DPYD: variants seen among roughly 807,000 people sequenced by gnomAD.
DPYD encodes dihydropyrimidine dehydrogenase.
Under a neutral mutation model 116.2 loss-of-function variants are expected in DPYD, and 109 were observed. That is an observed-to-expected ratio of 0.94 (90% confidence interval 0.80 to 1.10). The LOEUF is 1.10. Among genes scored for constraint, DPYD ranks in the 50% least tolerant of loss-of-function variants. The pLI, the probability that DPYD is intolerant of heterozygous loss-of-function variation, is 0.00. For synonymous variants in DPYD, 440 were observed against 432.0 expected, an observed-to-expected ratio of 1.02 and a Z score of -0.23; for missense variants, 1,302 against 1,254.5, an observed-to-expected ratio of 1.04 and a Z score of -0.57.
intron 18 of DPYD, among the ~76,000 whole-genome samples, chr1:97,304,291 C>G (rs1457577159): frequency 1.3e-5 from 2 of 151,972 alleles, no homozygotes; most frequent in Non-Finnish European, 2.9e-5. Flanking sequence ...ATTTAAGGCC[C>G]TGTTTGATAG....
intron 8 of DPYD, among the ~76,000 whole-genome samples, chr1:97,628,286 C>T (rs1423118339): frequency 6.6e-6 from 1 of 151,982 alleles, no homozygotes; most frequent in East Asian, 1.9e-4. Flanking sequence ...CATGTGTCCT[C>T]ATCATTCCTC....
At chr1:97,384,933 G>A (rs1395542609) in intron 14 of DPYD, among the ~76,000 whole-genome samples, 3 of 152,074 alleles carry the variant, frequency 2.0e-5, no homozygotes, top group Non-Finnish European at 4.4e-5. Context: ...AATTAAGCAT[G>A]CCAAATTATT....
intron 1 of DPYD, among the ~76,000 whole-genome samples, chr1:97,908,309 G>T (rs1242828129): frequency 6.6e-6 from 1 of 151,954 alleles, no homozygotes; most frequent in Non-Finnish European, 1.5e-5. Context: ...GCCTCCCAAA[G>T]TGCTGGGATT....
intron 19 of DPYD, among the ~76,000 whole-genome samples, chr1:97,219,434 A>C (rs571905752): frequency 6.6e-6 from 1 of 152,280 alleles, no homozygotes; most frequent in East Asian, 1.9e-4. Context: ...ATATTTAATA[A>C]TGTTTTCCCT....
chr1:97,759,756 T>C (rs1221493910), intron 3 of DPYD, among the ~76,000 whole-genome samples: 3 of 152,200 alleles, frequency 2.0e-5, no homozygotes, highest in African/African-American at 7.2e-5. Flanking sequence ...TTAATTCACT[T>C]AATAATTACA....
intron 12 of DPYD, among the ~76,000 whole-genome samples, chr1:97,519,724 A>C (rs1354183602): frequency 2.0e-5 from 3 of 152,196 alleles, no homozygotes; most frequent in African/African-American, 7.2e-5. Context: ...GTAAAGCCAC[A>C]ATAAAATATA....
At chr1:97,360,655 C>A (rs1670673117) in intron 16 of DPYD, among the ~76,000 whole-genome samples, 1 of 152,172 alleles carries the variant, frequency 6.6e-6, no homozygotes, top group African/African-American at 2.4e-5. Flanking sequence ...GAAACTCATT[C>A]AAAATTGCAC....
At chr1:97,114,896 C>G (rs2101631172) in intron 20 of DPYD, among the ~76,000 whole-genome samples, 1 of 152,232 alleles carries the variant, frequency 6.6e-6, no homozygotes, top group East Asian at 1.9e-4. Context: ...AACTGTCTTC[C>G]ACTTCAGAGC....
intron 8 of DPYD, among the ~76,000 whole-genome samples, chr1:97,660,632 C>A (rs1271601838): frequency 6.6e-6 from 1 of 152,072 alleles, no homozygotes; most frequent in Non-Finnish European, 1.5e-5. Context: ...TCTCTCTTCA[C>A]CCCTCCCCAC....
At chr1:97,788,719 A>G (rs1201816895) in intron 3 of DPYD, among the ~76,000 whole-genome samples, 1 of 152,220 alleles carries the variant, frequency 6.6e-6, no homozygotes, top group Non-Finnish European at 1.5e-5. Context: ...ATCAGCTAAT[A>G]AAGGACAGAA....
chr1:97,109,430 T>C (rs1651429676), intron 20 of DPYD, among the ~76,000 whole-genome samples: 1 of 152,110 alleles, frequency 6.6e-6, no homozygotes, highest in East Asian at 1.9e-4. Context: ...AAATGTTGCA[T>C]AGAATGTCAA....
intron 2 of DPYD, among the ~76,000 whole-genome samples, chr1:97,848,680 G>T (rs923004029): frequency 6.6e-6 from 1 of 152,154 alleles, no homozygotes; most frequent in African/African-American, 2.4e-5. Flanking sequence ...ATAAAGGAAA[G>T]ATTATGTTGT....
At chr1:97,841,906 G>C (rs1257721396) in intron 2 of DPYD, among the ~76,000 whole-genome samples, 1 of 151,842 alleles carries the variant, frequency 6.6e-6, no homozygotes, top group Non-Finnish European at 1.5e-5. Flanking sequence ...TACTGTATCT[G>C]AAGGGCTTAA....
intron 13 of DPYD, among the ~76,000 whole-genome samples, chr1:97,458,785 G>A (rs1252611056): frequency 2.0e-5 from 3 of 152,142 alleles, no homozygotes; most frequent in Admixed American, 6.5e-5. Context: ...TTTAAACTGC[G>A]AGGTTAAAAA....
At position 97,585,360 on chromosome 1, in the gene DPYD, G is replaced by C. The variant is rs531336187; in HGVS notation, c.1128+7858C>G. ...AGCCTTCAAGAGAAAATGACATTTGGAGCAGACCTTGAAGGATGAGTTCAC... is the reference window on the plus strand; with the variant it reads ...AGCCTTCAAGAGAAAATGACATTTGCAGCAGACCTTGAAGGATGAGTTCAC... On this transcript the variant is annotated intron_variant, in intron 10 of 22. Coordinates refer to ENST00000370192, the MANE Select transcript of DPYD (RefSeq NM_000110.4). Among the ~76,000 whole-genome samples the C allele has an allele frequency of 9.8e-5, 15 of 152,292 alleles. No individual in the cohort carries two copies. The South Asian group carries it at 3.1e-3, about 32-fold the overall frequency.
intron 1 of DPYD, among the ~76,000 whole-genome samples, chr1:97,884,907 G>A (rs1216600980): frequency 2.0e-5 from 3 of 151,862 alleles, no homozygotes; most frequent in East Asian, 1.9e-4. Context: ...TTATAACTTT[G>A]AGTAAACCAT....
chr1:97,688,518 T>C (rs1660855269), intron 7 of DPYD, among the ~76,000 whole-genome samples: 1 of 151,998 alleles, frequency 6.6e-6, no homozygotes, highest in South Asian at 2.1e-4. Context: ...TAAGAGGGTT[T>C]GGAGAAGATG....
chr1:97,469,684 C>T (rs1307067649), intron 13 of DPYD, among the ~76,000 whole-genome samples: 2 of 152,138 alleles, frequency 1.3e-5, no homozygotes, highest in African/African-American at 4.8e-5. Flanking sequence ...CTAACCATAA[C>T]ACCATATTAT....
chr1:97,323,312 A>ATACATATGTGTATATGTACACGTATG (rs1668437219), intron 16 of DPYD, among the ~76,000 whole-genome samples: 10 of 131,324 alleles, frequency 7.6e-5, no homozygotes, highest in African/African-American at 2.8e-4. Context: ...GTACACGTAT[A>ATACATATGTGTATATGTACACGTATG]TATACATATG....
Sources: gnomAD v4.1 joint callset for allele counts (sites outside exome capture counted in the v4.1 genomes callset) on GRCh38, gnomAD v4.1.1 for gene constraint, MANE v1.5 for transcripts, NCBI Gene and HGNC (gene_info 2026-07-23, HGNC 2026-07-21) for gene names.